ALMS1: variants seen among roughly 807,000 people sequenced by gnomAD.
ALMS1 encodes centrosome-associated protein ALMS1.
Under a neutral mutation model 352.2 loss-of-function variants are expected in ALMS1, and 271 were observed. That is an observed-to-expected ratio of 0.77 (90% CI 0.70 to 0.85). The LOEUF is 0.85. Among genes scored for constraint, ALMS1 ranks in the 40% least tolerant of loss-of-function variants. ALMS1 has a pLI of 0.00. For synonymous variants in ALMS1, 1,865 were observed against 1,761.2 expected (o/e 1.06, Z -1.48); for missense variants, 5,445 against 4,870.7 (o/e 1.12, Z -3.51).
chr2:73,465,864 G>A (rs1017614555), intron 9 of ALMS1, among the ~76,000 whole-genome samples: 1 of 152,154 alleles, frequency 6.6e-6, no homozygotes, highest in African/African-American at 2.4e-5. Flanking sequence ...CATTTATGCA[G>A]GCAAAAAACA....
chr2:73,564,512 T>C (rs1374273429), intron 15 of ALMS1, among the ~76,000 whole-genome samples: 1 of 152,002 alleles, frequency 6.6e-6, no homozygotes, highest in Non-Finnish European at 1.5e-5. Context: ...CAATGATTTT[T>C]ACTGTATTCA....
At chr2:73,443,589 A>G (rs1274884871) in intron 7 of ALMS1, among the ~76,000 whole-genome samples, 1 of 151,554 alleles carries the variant, frequency 6.6e-6, no homozygotes, top group Non-Finnish European at 1.5e-5. Context: ...GCTTTTTTTT[A>G]CTTGTTTCTG....
intron 9 of ALMS1, among the ~76,000 whole-genome samples, chr2:73,482,538 T>C (rs959620027): frequency 3.3e-5 from 5 of 152,168 alleles, no homozygotes; most frequent in African/African-American, 1.2e-4. Flanking sequence ...TCTAAAATTC[T>C]CTTTTTTTGT....
At chr2:73,482,457 G>C (rs944717131) in intron 9 of ALMS1, among the ~76,000 whole-genome samples, 1 of 152,120 alleles carries the variant, frequency 6.6e-6, no homozygotes, top group Non-Finnish European at 1.5e-5. Flanking sequence ...AAGCTTTTCG[G>C]TGTGCTGCTG....
intron 16 of ALMS1, among the ~76,000 whole-genome samples, chr2:73,590,036 A>G (rs1341784979): frequency 6.6e-6 from 1 of 152,022 alleles, no homozygotes; most frequent in East Asian, 1.9e-4. Context: ...TACCATGGGA[A>G]GATAGGTGTT....
At chr2:73,468,711 T>A (rs74519430) in intron 9 of ALMS1, among the ~76,000 whole-genome samples, 1 of 151,944 alleles carries the variant, frequency 6.6e-6, no homozygotes, top group Non-Finnish European at 1.5e-5. Context: ...GCATATGTTA[T>A]AATTTTGTAA....
In ALMS1 at chr2:73,602,239, A is replaced by C; in HGVS notation, c.12169A>C (p.Lys4057Gln). The change falls in exon 20 of 23, where the codon AAG becomes CAG. Residue 4057 changes from lysine (K) to glutamine (Q), a missense_variant. Coordinates refer to ENST00000613296, the MANE Select transcript of ALMS1 (RefSeq NM_001378454.1). ...DFISRSGERIKRLKLIVQERK... is the reference protein window; with the variant it reads ...DFISRSGERIQRLKLIVQERK... ...CATCTCCCGCTCTGGGGAGCGGATA[A>C]AGCGCCTGAAGTTAATAGTCCAGGA... 3 of 1,614,098 alleles carry C rather than the reference A, an allele frequency of 1.9e-6. No homozygotes were observed. The highest frequency in any genetic ancestry group is 2.5e-6 in the Non-Finnish European group (3 of 1,180,004).
chr2:73,471,921 A>G (rs1194421066), intron 9 of ALMS1, among the ~76,000 whole-genome samples: 2 of 152,060 alleles, frequency 1.3e-5, no homozygotes, highest in Admixed American at 6.6e-5. Context: ...AGCATTAATC[A>G]CAGTAGCCAA....
intron 11 of ALMS1, among the ~76,000 whole-genome samples, chr2:73,533,435 G>C: frequency 6.6e-6 from 1 of 152,198 alleles, no homozygotes; most frequent in Non-Finnish European, 1.5e-5. Flanking sequence ...CTGGAAGTGT[G>C]ACTTCCATTT....
At position 73,551,482 on chromosome 2, in the gene ALMS1, G is replaced by A. The variant is rs13392144; in HGVS notation, c.10078+1045G>A. The stretch of plus-strand genomic sequence containing the variant: ...TTGGAGTTGCGATCTTGTTGCCCAG[G>A]GTGGAGTGCGATGGCGCGATCTTGG... On this transcript the variant is annotated intron_variant, in intron 13 of 22. Transcript: ENST00000613296. 1.6e-3 allele frequency among the ~76,000 whole-genome samples: 241 copies of A among 146,856 alleles called. 2 individuals are homozygous for A. Among genetic ancestry groups the A allele is most frequent in the African/African-American group, 5.7e-3 (225 of 39,410 alleles).
intron 16 of ALMS1, among the ~76,000 whole-genome samples, chr2:73,593,993 GTTGT>G (rs989220411): frequency 2.6e-5 from 4 of 152,138 alleles, no homozygotes; most frequent in African/African-American, 9.7e-5. Flanking sequence ...GGACATTTGT[GTTGT>G]TTCTGTTTTT....
rs551547470 is a variant in ALMS1, at chr2:73,602,843, A to G, written c.12299-398A>G. On this transcript the variant is annotated intron_variant, in intron 20 of 22. Transcript: ENST00000613296. ...CAAAGGGAGATTAAGTACCTCTCCC[A>G]AGATGACATACCTAGTAAGTAAAAG... Among the ~76,000 whole-genome samples, 6 of 152,354 alleles carry G rather than the reference A, an allele frequency of 3.9e-5. No homozygotes were observed. In the South Asian group the frequency reaches 1.2e-3, roughly 32 times the overall value.
chr2:73,520,130 A>G lies in ALMS1; in HGVS notation c.9781+114A>G, dbSNP rs1027434862. On this transcript the variant is annotated intron_variant, in intron 11 of 22. Coordinates refer to ENST00000613296, the MANE Select transcript of ALMS1 (RefSeq NM_001378454.1). ...AAAACCTAATTTTAATTTAAGAATT[A>G]GGGTCCATATGATTATATCTGTCTT... 3.0e-6 allele frequency: 4 copies of G among 1,340,596 alleles called. No individual in the cohort carries two copies. The Admixed American group carries it at 6.9e-5, about 23-fold the overall frequency. The allele number at this position is 1,340,596 out of a possible 1,614,324, so 83.0% of individuals were successfully genotyped here. A position where few individuals can be genotyped will look rare whatever the true frequency, so the allele number is the denominator to read the frequency against.
intron 7 of ALMS1, among the ~76,000 whole-genome samples, chr2:73,443,050 A>C (rs1050075288): frequency 6.6e-6 from 1 of 152,164 alleles, no homozygotes; most frequent in Non-Finnish European, 1.5e-5. Context: ...TGATTCTATC[A>C]GACTCCCATT....
intron 9 of ALMS1, among the ~76,000 whole-genome samples, chr2:73,463,906 ACT>A (rs1672265149): frequency 6.6e-6 from 1 of 152,070 alleles, no homozygotes; most frequent in South Asian, 2.1e-4. Context: ...GAAGAAGTTG[ACT>A]CTCTGAATAG....
intron 12 of ALMS1, among the ~76,000 whole-genome samples, chr2:73,538,114 G>C (rs1674071369): frequency 6.6e-6 from 1 of 152,108 alleles, no homozygotes; most frequent in Non-Finnish European, 1.5e-5. Context: ...AGAATGAAAA[G>C]GTGACTCACA....
At chr2:73,567,398 T>G (rs1183067487) in intron 15 of ALMS1, among the ~76,000 whole-genome samples, 4 of 152,228 alleles carry the variant, frequency 2.6e-5, no homozygotes, top group Non-Finnish European at 5.9e-5. Flanking sequence ...CCTATTGCTG[T>G]TATCCCGTTT....
chr2:73,436,164 G>A lies in ALMS1; in HGVS notation c.1432+3873G>A, dbSNP rs147724265. On this transcript the variant is annotated intron_variant, in intron 7 of 22. Transcript: ENST00000613296. ...TAGTTTTGCTGGGCTTGGAATTCTT[G>A]GTTGACAGTCTTTTTCTTTTCAGCA... Among the ~76,000 whole-genome samples the A allele has an allele frequency of 7.9e-5, 12 of 152,202 alleles. No homozygotes were observed. The East Asian group carries it at 2.3e-3, about 29-fold the overall frequency.
chr2:73,539,205 G>A (rs887232094), intron 12 of ALMS1, among the ~76,000 whole-genome samples: 4 of 152,296 alleles, frequency 2.6e-5, no homozygotes, highest in African/African-American at 7.2e-5. Flanking sequence ...GAACGATCAG[G>A]CGGCAACATT....
Sources: allele counts gnomAD v4.1 joint callset (sites outside exome capture counted in the v4.1 genomes callset), GRCh38; gene constraint gnomAD v4.1.1; transcripts MANE v1.5; gene names NCBI Gene and HGNC (gene_info 2026-07-23, HGNC 2026-07-21).